VWC2: variants seen among roughly 807,000 people sequenced by gnomAD.
VWC2 encodes von Willebrand factor C domain containing 2.
Under a neutral mutation model 29.8 loss-of-function variants are expected in VWC2, and 14 were observed. That is an observed-to-expected ratio of 0.47 (90% CI 0.31 to 0.74). The LOEUF (loss-of-function observed/expected upper bound fraction) is 0.74. VWC2 is among the 30% of genes least tolerant of loss of function. The pLI, the probability that VWC2 is intolerant of heterozygous loss-of-function variation, is 0.05. For missense variants in VWC2, 457 were observed against 459.8 expected, an observed-to-expected ratio of 0.99 and a Z score of 0.05; for synonymous variants, 213 against 199.0, an observed-to-expected ratio of 1.07 and a Z score of -0.59.
chr7:49,882,836 T>A (rs1791727088), intron 3 of VWC2, among the ~76,000 whole-genome samples: 1 of 152,034 alleles, frequency 6.6e-6, no homozygotes, highest in African/African-American at 2.4e-5. Context: ...ACATCTTCTA[T>A]TTTTTGTGTT....
chr7:49,894,896 G>A (rs558236647), intron 3 of VWC2, among the ~76,000 whole-genome samples: 15 of 152,332 alleles, frequency 9.8e-5, no homozygotes, highest in Admixed American at 5.2e-4. Flanking sequence ...AGTAGGCGCC[G>A]AACACAGCCT....
At chr7:49,863,429 T>TTTTTC (rs546311405) in intron 3 of VWC2, among the ~76,000 whole-genome samples, 387 of 152,256 alleles carry the variant, frequency 2.5e-3, no homozygotes, top group African/African-American at 8.8e-3. Flanking sequence ...TCTCTCCCTT[T>TTTTTC]TTTTCTTTTC....
intron 2 of VWC2, among the ~76,000 whole-genome samples, chr7:49,784,443 G>A (rs1326445409): frequency 2.6e-5 from 4 of 152,236 alleles, no homozygotes; most frequent in Non-Finnish European, 4.4e-5. Context: ...GGCTGTCTGG[G>A]AGCATCTCTT....
In VWC2 at chr7:49,920,996, A is replaced by C. The variant is rs1021765235; in HGVS notation, c.*8811A>C. ...TATGCTTTTATAAATTATTTGGTGA[A>C]AGTTTTCCAGTAAGTGTTCATGTCC... On this transcript the variant is annotated 3_prime_UTR_variant, in exon 4 of 4. Transcript: ENST00000340652. 2.6e-5 allele frequency: 4 copies of C among 152,218 alleles called. No homozygotes were observed. The highest frequency in any genetic ancestry group is 9.6e-5 in the African/African-American group (4 of 41,458). 9.4% of individuals were successfully genotyped at this position (152,218 alleles called of 1,614,324 possible). A position where few individuals can be genotyped will look rare whatever the true frequency, so the allele number is the denominator to read the frequency against.
chr7:49,851,005 C>G (rs910027211), intron 3 of VWC2, among the ~76,000 whole-genome samples: 1 of 152,180 alleles, frequency 6.6e-6, no homozygotes, highest in African/African-American at 2.4e-5. Flanking sequence ...TCAGTTTACT[C>G]GTCCGCAATT....
intron 3 of VWC2, among the ~76,000 whole-genome samples, chr7:49,836,544 C>A (rs1435066512): frequency 6.6e-6 from 1 of 151,152 alleles, no homozygotes; most frequent in Non-Finnish European, 1.5e-5. Flanking sequence ...GAGGCTGAGG[C>A]AGGAGAATTG....
chr7:49,840,857 C>T (rs1789778371), intron 3 of VWC2, among the ~76,000 whole-genome samples: 1 of 152,068 alleles, frequency 6.6e-6, no homozygotes. Flanking sequence ...TTTCTCTGAC[C>T]CCCGAGTCAG....
chr7:49,789,726 C>G (rs752505991), intron 2 of VWC2, among the ~76,000 whole-genome samples: 26 of 152,204 alleles, frequency 1.7e-4, no homozygotes, highest in Non-Finnish European at 3.2e-4. Flanking sequence ...TGTCAGGGAA[C>G]CTTCTTCTCT....
At chr7:49,868,972 A>G (rs1791023335) in intron 3 of VWC2, among the ~76,000 whole-genome samples, 1 of 152,228 alleles carries the variant, frequency 6.6e-6, no homozygotes, top group Non-Finnish European at 1.5e-5. Context: ...TGTCAAATAT[A>G]TGTACAATTT....
At position 49,863,245 on chromosome 7, in the gene VWC2, G is replaced by C. The variant is rs568684416; in HGVS notation, c.827-48789G>C. Among the ~76,000 whole-genome samples the C allele has an allele frequency of 1.6e-4, 24 of 152,184 alleles. 1 individual carries two copies. In the South Asian group the frequency reaches 5.0e-3, roughly 32 times the overall value. On this transcript the variant is annotated intron_variant, in intron 3 of 3. Transcript: ENST00000340652. ...TTTCACGTAGTTTATCTAATTTGTT[G>C]GAGTACATTTGTTCATAGCAATCCT...
intron 3 of VWC2, among the ~76,000 whole-genome samples, chr7:49,905,472 C>CA (rs1438856805): frequency 6.6e-6 from 1 of 152,226 alleles, no homozygotes; most frequent in African/African-American, 2.4e-5. Flanking sequence ...AGCAAGTTTA[C>CA]ATTCCCTCTT....
At chr7:49,853,083 T>G (rs1345334395) in intron 3 of VWC2, among the ~76,000 whole-genome samples, 1 of 152,232 alleles carries the variant, frequency 6.6e-6, no homozygotes, top group East Asian at 1.9e-4. Flanking sequence ...CATGCCCAGC[T>G]CTTGCTGCAG....
Position 49,806,009 on chromosome 7 carries a change from T to A in VWC2, c.826+3169T>A, listed in dbSNP as rs147695979. Among the ~76,000 whole-genome samples, 712 of 152,384 alleles carry A rather than the reference T, an allele frequency of 4.7e-3. 6 individuals are homozygous for A. Among genetic ancestry groups the A allele is most frequent in the Non-Finnish European group, 4.5e-3 (308 of 68,034 alleles). Reference sequence around the variant, plus strand: ...CACAAATCAAATGTACTTTAATATATTCACTTTGTTGACTTGTGCAGATCA... The same window carrying A: ...CACAAATCAAATGTACTTTAATATAATCACTTTGTTGACTTGTGCAGATCA... On this transcript the variant is annotated intron_variant, in intron 3 of 3. Coordinates refer to ENST00000340652, the MANE Select transcript of VWC2 (RefSeq NM_198570.5).
intron 3 of VWC2, among the ~76,000 whole-genome samples, chr7:49,878,310 T>C (rs1007777479): frequency 1.3e-5 from 2 of 152,160 alleles, no homozygotes; most frequent in African/African-American, 4.8e-5. Flanking sequence ...ATATTTATGA[T>C]TGTGTGGCTC....
At chr7:49,828,282 G>A (rs1195364322) in intron 3 of VWC2, among the ~76,000 whole-genome samples, 1 of 152,042 alleles carries the variant, frequency 6.6e-6, no homozygotes, top group African/African-American at 2.4e-5. Context: ...TGGATCTTTG[G>A]TTCCTTTTCA....
At chr7:49,895,550 A>G (rs1403023954) in intron 3 of VWC2, among the ~76,000 whole-genome samples, 2 of 152,242 alleles carry the variant, frequency 1.3e-5, no homozygotes, top group East Asian at 3.8e-4. Context: ...TCCATGAGGC[A>G]AGAAAAGCAT....
intron 2 of VWC2, among the ~76,000 whole-genome samples, chr7:49,792,316 G>T (rs1049377264): frequency 6.6e-6 from 1 of 152,184 alleles, no homozygotes; most frequent in Non-Finnish European, 1.5e-5. Context: ...TAAAAAGACT[G>T]AGGCACAAGT....
chr7:49,781,629 T>C (rs1788179502), intron 2 of VWC2, among the ~76,000 whole-genome samples: 1 of 152,152 alleles, frequency 6.6e-6, no homozygotes, highest in Non-Finnish European at 1.5e-5. Flanking sequence ...AGATCGTGCA[T>C]AGTGTCTTCG....
intron 3 of VWC2, among the ~76,000 whole-genome samples, chr7:49,905,773 A>G (rs1793053338): frequency 6.7e-6 from 1 of 149,824 alleles, no homozygotes; most frequent in South Asian, 2.1e-4. Context: ...TTGGCGCAAG[A>G]AAGAGGTCGG....
Sources: allele counts gnomAD v4.1 joint callset (sites outside exome capture counted in the v4.1 genomes callset), GRCh38; gene constraint gnomAD v4.1.1; transcripts MANE v1.5; gene names NCBI Gene and HGNC (gene_info 2026-07-23, HGNC 2026-07-21).